Variants in OR1F1 observed in about 807,000 individuals in gnomAD.
The protein encoded by OR1F1 is olfactory receptor family 1 subfamily F member 1.
For missense variants in OR1F1, 493 were observed against 376.3 expected, an observed-to-expected ratio of 1.31 and a Z score of -2.57; for synonymous variants, 184 against 156.7, an observed-to-expected ratio of 1.17 and a Z score of -1.30.
the OR1F1 span, among the ~76,000 whole-genome samples, chr16:3,197,316 G>A: frequency 6.6e-6 from 1 of 152,214 alleles, no homozygotes; most frequent in Admixed American, 6.5e-5. Context: ...ACTGTGCCCA[G>A]CCCAAAACTA....
At chr16:3,191,547 T>C in the OR1F1 span, among the ~76,000 whole-genome samples, 1 of 152,102 alleles carries the variant, frequency 6.6e-6, no homozygotes, top group Non-Finnish European at 1.5e-5. Flanking sequence ...AATCTCAGGG[T>C]CGTGGGTTCG....
upstream of OR1F1, among the ~76,000 whole-genome samples, chr16:3,202,907 A>G (rs1958151519): frequency 1.3e-5 from 2 of 152,150 alleles, no homozygotes; most frequent in South Asian, 4.1e-4. Context: ...AGGCTATACA[A>G]CTGGTAATGG....
the OR1F1 span, among the ~76,000 whole-genome samples, chr16:3,192,018 C>T: frequency 6.6e-6 from 1 of 152,040 alleles, no homozygotes; most frequent in African/African-American, 2.4e-5. Flanking sequence ...ATGATTCTCG[C>T]TTAGGATGCG....
At chr16:3,199,047 G>A in the OR1F1 span, among the ~76,000 whole-genome samples, 8 of 147,542 alleles carry the variant, frequency 5.4e-5, no homozygotes, top group Non-Finnish European at 3.0e-5. Context: ...GAGAGGCCAG[G>A]GCAGGAGGAT....
At chr16:3,200,938 G>A (rs1016334237), upstream of OR1F1, among the ~76,000 whole-genome samples, 10 of 152,102 alleles carry the variant, frequency 6.6e-5, no homozygotes, top group African/African-American at 1.4e-4. Flanking sequence ...AAACGTTTTC[G>A]TTTCAAACAA....
chr16:3,193,192 C>T, the OR1F1 span, among the ~76,000 whole-genome samples: 1 of 152,204 alleles, frequency 6.6e-6, no homozygotes, highest in Non-Finnish European at 1.5e-5. Flanking sequence ...TCCCAAAGTG[C>T]TGAGATTACT....
chr16:3,204,230 T>G, upstream of OR1F1: 4 of 1,567,906 alleles, frequency 2.6e-6, no homozygotes, highest in Non-Finnish European at 3.5e-6. Context: ...TGCCTCTGTG[T>G]CCAGGATCCC....
chr16:3,195,379 G>A, the OR1F1 span, among the ~76,000 whole-genome samples: 1 of 152,210 alleles, frequency 6.6e-6, no homozygotes, highest in Admixed American at 6.5e-5. Context: ...CGACGCACTA[G>A]CTTCAAATGC....
upstream of OR1F1, among the ~76,000 whole-genome samples, chr16:3,203,239 T>C (rs568530468): frequency 5.3e-5 from 8 of 152,354 alleles, no homozygotes; most frequent in South Asian, 1.4e-3. Context: ...AATATGACCC[T>C]AGTGGCCATG....
At chr16:3,198,136 AGG>A in the OR1F1 span, among the ~76,000 whole-genome samples, 29 of 83,370 alleles carry the variant, frequency 3.5e-4, no homozygotes, top group Non-Finnish European at 5.2e-4. Flanking sequence ...AGGGAGAAGG[AGG>A]GAGAGAGAGG....
the OR1F1 span, among the ~76,000 whole-genome samples, chr16:3,192,024 A>C: frequency 6.6e-6 from 1 of 151,312 alleles, no homozygotes; most frequent in Non-Finnish European, 1.5e-5. Flanking sequence ...CTCGCTTAGG[A>C]TGCGAGAGGT....
At chr16:3,200,678 T>A (rs1958126681), upstream of OR1F1, among the ~76,000 whole-genome samples, 1 of 152,194 alleles carries the variant, frequency 6.6e-6, no homozygotes, top group African/African-American at 2.4e-5. Flanking sequence ...AAGATCAGAA[T>A]GCACATGCTC....
chr16:3,206,096 T>C (rs1339102339), downstream of OR1F1, among the ~76,000 whole-genome samples: 1 of 152,280 alleles, frequency 6.6e-6, no homozygotes, highest in East Asian at 1.9e-4. Context: ...GGGAGAGGAA[T>C]GCACTCCTCG....
At chr16:3,195,250 C>T in the OR1F1 span, among the ~76,000 whole-genome samples, 2 of 152,130 alleles carry the variant, frequency 1.3e-5, no homozygotes, top group African/African-American at 4.8e-5. Context: ...AGACAGGTAA[C>T]TCATTGTGCT....
the OR1F1 span, among the ~76,000 whole-genome samples, chr16:3,193,129 G>T: frequency 2.0e-5 from 3 of 152,232 alleles, no homozygotes; most frequent in African/African-American, 7.2e-5. Flanking sequence ...GTTTCGCCAT[G>T]TTGGCCAGGC....
chr16:3,204,696 G>T (rs773419546), exon 1 of OR1F1: 60 of 1,613,988 alleles, frequency 3.7e-5, no homozygotes, highest in Non-Finnish European at 4.9e-5. Flanking sequence ...GATTATGGGT[G>T]GTTGCCAACC....
the OR1F1 span, chr16:3,189,826 G>T: frequency 2.6e-5 from 4 of 152,188 alleles, no homozygotes; most frequent in African/African-American, 9.7e-5. Flanking sequence ...CTCAAGCTAT[G>T]TTGACGCCGC....
chr16:3,205,898 C>A (rs571831209), downstream of OR1F1, among the ~76,000 whole-genome samples: 4 of 152,060 alleles, frequency 2.6e-5, no homozygotes, highest in African/African-American at 4.8e-5. Flanking sequence ...AATCAGTGCA[C>A]CTTGAAAAAG....
chr16:3,192,065 T>TC, the OR1F1 span, among the ~76,000 whole-genome samples: 5 of 152,034 alleles, frequency 3.3e-5, no homozygotes, highest in East Asian at 9.6e-4. Flanking sequence ...GAGCCCCTCT[T>TC]CTTATTTTTG....
Sources: gnomAD v4.1 joint callset for allele counts (sites outside exome capture counted in the v4.1 genomes callset) on GRCh38, gnomAD v4.1.1 for gene constraint, MANE v1.5 for transcripts, NCBI Gene and HGNC (gene_info 2026-07-23, HGNC 2026-07-21) for gene names.